The following PCDH15 variants were observed in gnomAD, a reference collection of about 807,000 sequenced individuals.
PCDH15 encodes protocadherin related 15.
In PCDH15, 129 loss-of-function variants were observed where a neutral mutation model predicts 178.5. That is an observed-to-expected ratio of 0.72 (90% CI 0.63 to 0.84). PCDH15 has a LOEUF of 0.84. Ranked by LOEUF, PCDH15 falls within the 40% of genes least tolerant of loss-of-function variation. The pLI is 0.00. For missense variants in PCDH15, 2,230 were observed against 2,099.9 expected (o/e 1.06, Z -1.21); for synonymous variants, 800 against 732.0 (o/e 1.09, Z -1.50).
chr10:54,477,776 A>C (rs549982830), intron 3 of PCDH15, among the ~76,000 whole-genome samples: 1 of 152,116 alleles, frequency 6.6e-6, no homozygotes, highest in Non-Finnish European at 1.5e-5. Flanking sequence ...ATGTATTAAT[A>C]TATTTTAGTA....
intron 2 of PCDH15, among the ~76,000 whole-genome samples, chr10:55,080,989 T>G (rs910630900): frequency 1.3e-5 from 2 of 152,092 alleles, no homozygotes; most frequent in African/African-American, 4.8e-5. Context: ...CTGCTGCTGC[T>G]GGGGGTGGGG....
chr10:55,574,457 G>A (rs1842461317), intron 2 of PCDH15, among the ~76,000 whole-genome samples: 1 of 151,966 alleles, frequency 6.6e-6, no homozygotes, highest in Non-Finnish European at 1.5e-5. Flanking sequence ...AACTATCAAT[G>A]AATATCACAA....
intron 15 of PCDH15, among the ~76,000 whole-genome samples, chr10:54,119,255 A>G (rs943837705): frequency 6.6e-6 from 1 of 152,156 alleles, no homozygotes; most frequent in Non-Finnish European, 1.5e-5. Context: ...AAAATTCTAA[A>G]GCAATTCAGG....
chr10:54,938,689 T>C (rs926761538), intron 2 of PCDH15, among the ~76,000 whole-genome samples: 10 of 152,182 alleles, frequency 6.6e-5, no homozygotes, highest in Admixed American at 1.3e-4. Context: ...TGTTAATTTA[T>C]ATGGCAAAAG....
chr10:54,666,164 G>A (rs1182696008), intron 1 of PCDH15, among the ~76,000 whole-genome samples: 3 of 33,348 alleles, frequency 9.0e-5, no homozygotes, highest in Non-Finnish European at 3.1e-4. Context: ...AGCTTAATAT[G>A]AGTACCCCCT....
chr10:55,033,984 A>G (rs950153915), intron 2 of PCDH15, among the ~76,000 whole-genome samples: 3 of 152,080 alleles, frequency 2.0e-5, no homozygotes, highest in Non-Finnish European at 4.4e-5. Context: ...ATGTGAGGGT[A>G]CAGCATTCCT....
rs73257705 is a variant in PCDH15 at position 55,400,791 on chromosome 10, A to G, written c.-156+226834T>C. On this transcript the variant is annotated intron_variant, in intron 2 of 5. Transcript: ENST00000613346. Reference sequence around the variant, plus strand: ...AGTCTTTCATACTTTGAGTTTCCTAACTTGCCCTCATTCCAACATCTCTGC... The same window carrying G: ...AGTCTTTCATACTTTGAGTTTCCTAGCTTGCCCTCATTCCAACATCTCTGC... Among the ~76,000 whole-genome samples, 151 of 152,162 alleles carry G rather than the reference A, an allele frequency of 9.9e-4. 1 individual carries two copies. Among genetic ancestry groups the G allele is most frequent in the African/African-American group, 3.4e-3 (142 of 41,532 alleles).
At chr10:54,921,315 T>A (rs1423165286) in intron 2 of PCDH15, among the ~76,000 whole-genome samples, 1 of 150,908 alleles carries the variant, frequency 6.6e-6, no homozygotes, top group East Asian at 2.0e-4. Flanking sequence ...TTATTTTTAT[T>A]TTTATTTATT....
chr10:54,232,006 C>T (rs2134320620), intron 9 of PCDH15, among the ~76,000 whole-genome samples: 1 of 152,254 alleles, frequency 6.6e-6, no homozygotes, highest in East Asian at 1.9e-4. Context: ...ACTTGGGGAA[C>T]TGTTGAGAAA....
intron 26 of PCDH15, among the ~76,000 whole-genome samples, chr10:53,888,310 G>GTATATGTA (rs1564690931): frequency 3.5e-5 from 1 of 28,712 alleles, no homozygotes; most frequent in African/African-American, 9.0e-5. Context: ...ATATATATAT[G>GTATATGTA]TATATATGTA....
At chr10:55,127,159 C>T (rs1409519640) in intron 2 of PCDH15, among the ~76,000 whole-genome samples, 5 of 152,046 alleles carry the variant, frequency 3.3e-5, no homozygotes, top group African/African-American at 9.7e-5. Context: ...TCAATTGACA[C>T]AAGATCTACT....
intron 3 of PCDH15, among the ~76,000 whole-genome samples, chr10:54,468,719 G>A (rs546357109): frequency 6.6e-6 from 1 of 152,254 alleles, no homozygotes; most frequent in African/African-American, 2.4e-5. Context: ...TTGTCAAGAT[G>A]ATCTGTCCAA....
At chr10:55,356,160 C>T (rs1343184017) in intron 2 of PCDH15, among the ~76,000 whole-genome samples, 1 of 151,502 alleles carries the variant, frequency 6.6e-6, no homozygotes, top group African/African-American at 2.4e-5. Flanking sequence ...CTGTGTTCAG[C>T]CCTTTTTTTG....
At position 55,110,645 on chromosome 10, in the gene PCDH15, G is replaced by GA. The variant is rs915714334; in HGVS notation, c.-80+55930dup. Among the ~76,000 whole-genome samples the GA allele has an allele frequency of 2.2e-3, 310 of 139,782 alleles. 1 individual carries two copies. Among genetic ancestry groups the GA allele is most frequent in the African/African-American group, 4.5e-3 (170 of 38,200 alleles). 91.7% of individuals were successfully genotyped at this position (139,782 alleles called of 152,430 possible). On this transcript the variant is annotated intron_variant, in intron 2 of 5. Transcript: ENST00000458638. ...AAAATAAAACCACCAAAATAACAAT[G>GA]AAAAAAAAAAACCAACAAGAGGGTT...
intron 2 of PCDH15, among the ~76,000 whole-genome samples, chr10:55,429,814 T>C (rs1034695632): frequency 5.9e-5 from 9 of 152,176 alleles, no homozygotes; most frequent in African/African-American, 2.2e-4. Context: ...GTAATTATTT[T>C]TAATAAGTAA....
Position 53,827,387 on chromosome 10 carries a change from A to G in PCDH15, c.4367+6T>C. 4 of 1,610,180 alleles carry G rather than the reference A, an allele frequency of 2.5e-6. No homozygotes were observed. The highest frequency in any genetic ancestry group is 3.4e-6 in the Non-Finnish European group (4 of 1,177,452). ...ACTTCTCAGAGTTCCTGAACGGTCT[A>G]CTTACATTGAGCTGTCTCCAAGTTC... On this transcript the variant is annotated splice_donor_region_variant and intron_variant, in intron 32 of 37. Coordinates refer to ENST00000644397, the MANE Select transcript of PCDH15 (RefSeq NM_001384140.1).
chr10:53,978,064 C>A (rs1367995570), intron 21 of PCDH15, among the ~76,000 whole-genome samples: 2 of 152,154 alleles, frequency 1.3e-5, no homozygotes, highest in African/African-American at 4.8e-5. Context: ...GCACACACAG[C>A]AAACTGTCAG....
Position 54,105,173 on chromosome 10 carries a change from T to C in PCDH15, c.1918-15110A>G, listed in dbSNP as rs796465047. On this transcript the variant is annotated intron_variant, in intron 15 of 37. Transcript: ENST00000644397. ...AAAGAACTCCATCCTTAATATTCAGTTCCTCTAGAACCACTCCTGGCACCA... is the reference window on the plus strand; with the variant it reads ...AAAGAACTCCATCCTTAATATTCAGCTCCTCTAGAACCACTCCTGGCACCA... Among the ~76,000 whole-genome samples, 31 of 150,610 alleles carry C rather than the reference T, an allele frequency of 2.1e-4. 1 individual carries two copies. The highest frequency in any genetic ancestry group is 6.8e-4 in the African/African-American group (28 of 41,242).
intron 2 of PCDH15, among the ~76,000 whole-genome samples, chr10:54,955,171 A>C (rs1047016194): frequency 2.6e-5 from 4 of 151,324 alleles, no homozygotes; most frequent in African/African-American, 9.7e-5. Flanking sequence ...TCCTTGACTA[A>C]AATAATGCTT....
Sources: allele counts gnomAD v4.1 joint callset (sites outside exome capture counted in the v4.1 genomes callset), GRCh38; gene constraint gnomAD v4.1.1; transcripts MANE v1.5; gene names NCBI Gene and HGNC (gene_info 2026-07-23, HGNC 2026-07-21).